The following SSUH2 variants were observed in gnomAD, a reference collection of about 807,000 sequenced individuals.
SSUH2 encodes the protein ssu-2 homolog, also known as protein SSUH2 homolog.
Under a neutral mutation model 55.3 loss-of-function variants are expected in SSUH2, and 47 were observed. The observed-to-expected ratio is 0.85, with a 90% confidence interval of 0.67 to 1.08. The LOEUF is 1.08. Among genes scored for constraint, SSUH2 ranks in the 50% least tolerant of loss-of-function variants. SSUH2 has a pLI of 0.00. For synonymous variants in SSUH2, 212 were observed against 191.5 expected, an observed-to-expected ratio of 1.11 and a Z score of -0.89; for missense variants, 535 against 490.7, an observed-to-expected ratio of 1.09 and a Z score of -0.85.
At chr3:8,629,597 C>T in intron 7 of SSUH2, 67 bp downstream of exon 7, 6 of 1,526,670 alleles carry the variant, frequency 3.9e-6, no homozygotes, top group Non-Finnish European at 5.4e-6. Flanking sequence ...CAGCCCAGCC[C>T]GCTGTCCCCA....
intron 5 of SSUH2, among the ~76,000 whole-genome samples, chr3:8,666,286 A>T (rs1703984688): frequency 6.6e-6 from 1 of 152,232 alleles, no homozygotes; most frequent in South Asian, 2.1e-4. Context: ...AATGTGGGCT[A>T]TAATTTCCTG....
intron 3 of SSUH2, among the ~76,000 whole-genome samples, chr3:8,674,205 C>G (rs1197659662): frequency 8.5e-5 from 13 of 152,330 alleles, no homozygotes; most frequent in African/African-American, 2.6e-4. Context: ...AGGGGTCCCC[C>G]CAAAGAAGCA....
intron 1 of SSUH2, among the ~76,000 whole-genome samples, chr3:8,642,534 T>C (rs76939781): frequency 0.022 from 3,355 of 152,352 alleles, 131 homozygotes; most frequent in African/African-American, 0.075. Context: ...GATGCTGCCC[T>C]GGTCAGGGAT....
intron 1 of SSUH2, among the ~76,000 whole-genome samples, chr3:8,681,209 C>G (rs1293322469): frequency 1.4e-5 from 2 of 146,198 alleles, no homozygotes; most frequent in Non-Finnish European, 3.0e-5. Flanking sequence ...GCCAGCCCCT[C>G]TTCCCCCCCT....
intron 3 of SSUH2, among the ~76,000 whole-genome samples, chr3:8,673,374 C>T (rs1042757962): frequency 1.4e-4 from 22 of 152,130 alleles, no homozygotes; most frequent in African/African-American, 4.6e-4. Flanking sequence ...CTCGGCTGCT[C>T]GTTTACGATG....
intron 5 of SSUH2, among the ~76,000 whole-genome samples, chr3:8,670,218 T>C (rs796193829): frequency 1.5e-4 from 23 of 152,206 alleles, no homozygotes; most frequent in African/African-American, 5.5e-4. Context: ...TATATGAGGA[T>C]GGTCATGTGG....
chr3:8,676,407 T>C (rs1225385328), intron 3 of SSUH2, among the ~76,000 whole-genome samples: 1 of 151,276 alleles, frequency 6.6e-6, no homozygotes, highest in African/African-American at 2.4e-5. Context: ...GAAAGTAATA[T>C]CATCTTCTTC....
In SSUH2 at chr3:8,629,515, GA is replaced by G. The variant is rs570925162; in HGVS notation, c.588+148del. ...CCCCACTTTTTCATTTTATAGACGGGAAAATGGAGGCCCAGAAAGGGAGGAT... is the reference window on the plus strand; with the variant it reads ...CCCCACTTTTTCATTTTATAGACGGGAAATGGAGGCCCAGAAAGGGAGGAT... On this transcript the variant is annotated intron_variant, in intron 7 of 11. Coordinates refer to ENST00000544814, the MANE Select transcript of SSUH2 (RefSeq NM_001256748.3). 4.4e-3 allele frequency: 2,863 copies of G among 656,782 alleles called. 8 individuals carry two copies. The highest frequency in any genetic ancestry group is 6.2e-3 in the Non-Finnish European group (2,336 of 374,022). 40.7% of individuals were successfully genotyped at this position (656,782 alleles called of 1,614,324 possible). A position where few individuals can be genotyped will look rare whatever the true frequency, so the allele number is the denominator to read the frequency against.
In SSUH2 at chr3:8,678,873, T is replaced by A. The variant is rs536765527; in HGVS notation, c.-901+832A>T. On this transcript the variant is annotated intron_variant, in intron 2 of 18. Transcript: ENST00000317371. ...AATCCCTCTTCCCCCAGCCTGGCTC[T>A]TAGGATCCCCATTGCAAGGGAGGGA... Among the ~76,000 whole-genome samples the A allele has an allele frequency of 3.5e-4, 38 of 108,000 alleles. 11 individuals carry two copies. The South Asian group carries it at 0.012, about 34-fold the overall frequency. The allele number at this position is 108,000 out of a possible 152,430, so 70.9% of individuals were successfully genotyped here.
intron 2 of SSUH2, among the ~76,000 whole-genome samples, chr3:8,678,053 G>A (rs1705554991): frequency 2.0e-5 from 3 of 151,860 alleles, no homozygotes; most frequent in Admixed American, 2.0e-4. Context: ...CCTCTCCCAC[G>A]TTGCAATTAG....
In SSUH2 at chr3:8,679,222, C is replaced by A. The variant is rs1482512581; in HGVS notation, c.-901+483G>T. On this transcript the variant is annotated intron_variant, in intron 2 of 18. Coordinates refer to the SSUH2 transcript ENST00000317371. ...CCCCCATCGCAGGGGGGATGGCACC[C>A]TCCGTGAGCGGGGACTGAGAGCCAG... 2.7e-3 allele frequency among the ~76,000 whole-genome samples: 7 copies of A among 2,628 alleles called. 1 individual carries two copies. Among genetic ancestry groups the A allele is most frequent in the Non-Finnish European group, 7.5e-3 (7 of 934 alleles). 1.7% of individuals were successfully genotyped at this position (2,628 alleles called of 152,430 possible).
At chr3:8,675,882 A>G (rs1416389037) in intron 3 of SSUH2, among the ~76,000 whole-genome samples, 1 of 152,110 alleles carries the variant, frequency 6.6e-6, no homozygotes, top group African/African-American at 2.4e-5. Context: ...CAGAGAGAAA[A>G]GATGGCAGCT....
chr3:8,650,281 T>C (rs999022112), intron 7 of SSUH2, among the ~76,000 whole-genome samples: 4 of 152,200 alleles, frequency 2.6e-5, no homozygotes, highest in Admixed American at 2.0e-4. Flanking sequence ...TAACTTACTA[T>C]GTGTTTTGTT....
intron 2 of SSUH2, among the ~76,000 whole-genome samples, chr3:8,678,252 T>C (rs1212650400): frequency 3.3e-5 from 5 of 152,086 alleles, no homozygotes; most frequent in Non-Finnish European, 7.4e-5. Context: ...CTTACGGTGA[T>C]ATTTGGAGTA....
chr3:8,627,780 G>C lies in SSUH2; in HGVS notation c.592C>G (p.Arg198Gly). Residue 198 changes from arginine (R) to glycine (G), a missense_variant, in exon 8 of 12, where the codon CGG (arginine) becomes GGG (glycine). Physicochemically the swap from Arg to Gly is moderately radical, Grantham distance 125 (BLOSUM62 -2). Transcript: ENST00000544814. Reference sequence around the variant, plus strand: ...TTGGCTCCGCAGCAGGATGGGCACCGCACCTGCAGACACACCACTGCCTCA... The same window carrying C: ...TTGGCTCCGCAGCAGGATGGGCACCCCACCTGCAGACACACCACTGCCTCA... ...CSGCHGAGTV[R>G]CPSCCGAKRK... 1 of 1,608,700 alleles carries C rather than the reference G, an allele frequency of 6.2e-7. No individual in the cohort carries two copies. Among genetic ancestry groups the C allele is most frequent in the Non-Finnish European group, 8.5e-7 (1 of 1,177,636 alleles).
chr3:8,623,749 G>T, intron 10 of SSUH2, 93 bp from the exon 11 acceptor site: 1 of 633,820 alleles, frequency 1.6e-6, no homozygotes, highest in Non-Finnish European at 2.8e-6. Context: ...GCCAGAGCCA[G>T]ACAGAGAAGG....
At chr3:8,672,172 C>T (rs893836568) in intron 3 of SSUH2, 2 of 152,056 alleles carry the variant, frequency 1.3e-5, no homozygotes, top group Non-Finnish European at 2.9e-5. Flanking sequence ...AAAGTAACAT[C>T]ATCCTCTTCT....
At chr3:8,660,431 G>A (rs1383873563) in intron 6 of SSUH2, among the ~76,000 whole-genome samples, 1 of 152,126 alleles carries the variant, frequency 6.6e-6, no homozygotes, top group Non-Finnish European at 1.5e-5. Flanking sequence ...CAAGTCAAGG[G>A]TTAAGAAGAA....
Position 8,627,551 on chromosome 3 carries a change from A to G in SSUH2, c.674+147T>C. On this transcript the variant is annotated intron_variant, in intron 8 of 11. Coordinates refer to ENST00000544814, the MANE Select transcript of SSUH2 (RefSeq NM_001256748.3). ...TGAGAAAAGCTCACCTACTCTTCAAATAACCACAGAGCACCTACTACGTGC... is the reference window on the plus strand; with the variant it reads ...TGAGAAAAGCTCACCTACTCTTCAAGTAACCACAGAGCACCTACTACGTGC... The G allele has an allele frequency of 5.7e-6, 3 of 524,742 alleles. No homozygotes were observed. The South Asian group carries it at 2.0e-4, about 35-fold the overall frequency. The allele number at this position is 524,742 out of a possible 1,614,324, so 32.5% of individuals were successfully genotyped here. A position where few individuals can be genotyped will look rare whatever the true frequency, so the allele number is the denominator to read the frequency against.
Sources: allele counts gnomAD v4.1 joint callset (sites outside exome capture counted in the v4.1 genomes callset), GRCh38; gene constraint gnomAD v4.1.1; transcripts MANE v1.5; gene names NCBI Gene and HGNC (gene_info 2026-07-23, HGNC 2026-07-21).